Variants in SOX6 observed in about 807,000 individuals in gnomAD.
SOX6 encodes the protein transcription factor SOX-6.
A neutral mutation model predicts 97.8 loss-of-function variants in SOX6; 11 were observed. That is an observed-to-expected ratio of 0.11 (90% CI 0.07 to 0.19). SOX6 has a LOEUF of 0.19. SOX6 is among the 10% of genes least tolerant of loss of function. The probability of loss-of-function intolerance (pLI) is 1.00; values close to 1 mark genes in which losing one functional copy is unlikely to be tolerated. For synonymous variants in SOX6, 360 were observed against 371.4 expected (o/e 0.97, Z 0.35); for missense variants, 810 against 1,039.5 (o/e 0.78, Z 3.04).
At chr11:16,679,803 C>T (rs1847912685) in intron 3 of SOX6, among the ~76,000 whole-genome samples, 2 of 152,056 alleles carry the variant, frequency 1.3e-5, no homozygotes, top group Non-Finnish European at 1.5e-5. Flanking sequence ...ACAAGAACTT[C>T]GTGACACATG....
chr11:16,077,441 C>T (rs1848382187), intron 9 of SOX6, among the ~76,000 whole-genome samples: 1 of 152,232 alleles, frequency 6.6e-6, no homozygotes. Flanking sequence ...CCATTTGACC[C>T]AGCAATCTCA....
chr11:16,379,474 GA>G (rs781299635), intron 1 of SOX6, among the ~76,000 whole-genome samples: 1 of 147,930 alleles, frequency 6.8e-6, no homozygotes, highest in Non-Finnish European at 1.5e-5. Flanking sequence ...CTCAAAAAAA[GA>G]AAAAAAAATG....
intron 4 of SOX6, among the ~76,000 whole-genome samples, chr11:16,611,902 G>C (rs542486542): frequency 3.3e-5 from 5 of 152,160 alleles, no homozygotes; most frequent in African/African-American, 9.7e-5. Context: ...TGGTAAAAAT[G>C]CATGAACTTT....
intron 3 of SOX6, among the ~76,000 whole-genome samples, chr11:16,258,178 C>T (rs1196642891): frequency 2.0e-5 from 3 of 152,006 alleles, no homozygotes; most frequent in Non-Finnish European, 2.9e-5. Flanking sequence ...AACTAACATT[C>T]TCTAATCATA....
At chr11:16,060,810 G>T (rs1847929606) in intron 9 of SOX6, among the ~76,000 whole-genome samples, 2 of 151,812 alleles carry the variant, frequency 1.3e-5, no homozygotes, top group Non-Finnish European at 3.0e-5. Flanking sequence ...CACTTTTCTT[G>T]TGGTGTTTAT....
Position 16,098,072 on chromosome 11 carries a change from T to G in SOX6, c.899-384A>C, listed in dbSNP as rs116000316. On this transcript the variant is annotated intron_variant, in intron 7 of 15. Coordinates refer to ENST00000683767, the MANE Select transcript of SOX6 (RefSeq NM_001367873.1). ...TTAGAACAACAAAAAGTTTTGGCTT[T>G]GTAGGCAAAGAAGAGTATTAGAGTC... Among the ~76,000 whole-genome samples the G allele has an allele frequency of 3.6e-3, 540 of 151,952 alleles. 2 individuals carry two copies. The highest frequency in any genetic ancestry group is 0.013 in the African/African-American group (521 of 41,512).
At chr11:16,508,126 C>G (rs1353858788) in intron 4 of SOX6, among the ~76,000 whole-genome samples, 2 of 151,900 alleles carry the variant, frequency 1.3e-5, no homozygotes, top group African/African-American at 4.8e-5. Context: ...ATAAAATCAG[C>G]CAACAGACAT....
intron 3 of SOX6, chr11:16,317,171 C>A (rs976155037): frequency 2.0e-5 from 3 of 151,394 alleles, no homozygotes; most frequent in East Asian, 1.9e-4. Context: ...ACCATAAAAT[C>A]AAAGTGCTAA....
chr11:16,446,379 T>C (rs941184480), intron 1 of SOX6, among the ~76,000 whole-genome samples: 3 of 152,056 alleles, frequency 2.0e-5, no homozygotes, highest in Admixed American at 6.6e-5. Context: ...AAAGAGATCA[T>C]AAAAGCCAAC....
intron 1 of SOX6, among the ~76,000 whole-genome samples, chr11:16,346,066 A>G (rs1027268537): frequency 1.3e-5 from 2 of 152,062 alleles, no homozygotes; most frequent in African/African-American, 4.8e-5. Context: ...ACATTTTAAG[A>G]GTTGTTCTAC....
At chr11:16,478,088 G>A (rs994041683), upstream of SOX6, among the ~76,000 whole-genome samples, 5 of 152,116 alleles carry the variant, frequency 3.3e-5, no homozygotes, top group African/African-American at 9.7e-5. Context: ...GCTATCCCCC[G>A]CTGAGTTATA....
At chr11:16,358,189 T>C (rs541657050), upstream of SOX6, among the ~76,000 whole-genome samples, 1 of 152,296 alleles carries the variant, frequency 6.6e-6, no homozygotes, top group Admixed American at 6.5e-5. Context: ...CCACATTAGA[T>C]GGTTTTCTTT....
At chr11:16,456,864 A>G (rs1266109961) in intron 1 of SOX6, among the ~76,000 whole-genome samples, 1 of 152,102 alleles carries the variant, frequency 6.6e-6, no homozygotes, top group Non-Finnish European at 1.5e-5. Context: ...CAAAGTTCCC[A>G]TATATCCAAA....
chr11:16,679,699 C>A (rs1007098385), intron 3 of SOX6, among the ~76,000 whole-genome samples: 1 of 152,128 alleles, frequency 6.6e-6, no homozygotes, highest in Non-Finnish European at 1.5e-5. Flanking sequence ...TAACCCATCA[C>A]AAGGAAGTTA....
At chr11:16,180,708 C>G (rs901960567) in intron 6 of SOX6, among the ~76,000 whole-genome samples, 3 of 151,650 alleles carry the variant, frequency 2.0e-5, no homozygotes, top group African/African-American at 4.8e-5. Flanking sequence ...ACTATAAAAA[C>G]AGTTCACAAA....
intron 3 of SOX6, among the ~76,000 whole-genome samples, chr11:16,257,354 GA>G (rs200992048): frequency 2.6e-5 from 4 of 151,432 alleles, no homozygotes; most frequent in African/African-American, 7.3e-5. Flanking sequence ...ACTGGTAAAA[GA>G]AAAAAAATCG....
At chr11:16,588,901 TATCATCCCAGCAC>T (rs1848123055) in intron 4 of SOX6, among the ~76,000 whole-genome samples, 1 of 152,168 alleles carries the variant, frequency 6.6e-6, no homozygotes, top group African/African-American at 2.4e-5. Context: ...CATGGTGGCC[TATCATCCCAGCAC>T]TTTGGGAGGC....
intron 3 of SOX6, among the ~76,000 whole-genome samples, chr11:16,276,558 T>C (rs753282811): frequency 6.6e-5 from 10 of 152,162 alleles, no homozygotes; most frequent in Non-Finnish European, 1.2e-4. Flanking sequence ...AAAAAAGGTA[T>C]AAATAGAATA....
At chr11:16,215,416 A>T (rs984400530) in intron 4 of SOX6, among the ~76,000 whole-genome samples, 1 of 152,222 alleles carries the variant, frequency 6.6e-6, no homozygotes, top group African/African-American at 2.4e-5. Flanking sequence ...AGTTCTATTC[A>T]TGATTCATAA....
Sources: allele counts gnomAD v4.1 joint callset (sites outside exome capture counted in the v4.1 genomes callset), GRCh38; gene constraint gnomAD v4.1.1; transcripts MANE v1.5; gene names NCBI Gene and HGNC (gene_info 2026-07-23, HGNC 2026-07-21).